PDE4D: variants seen among roughly 807,000 people sequenced by gnomAD.
PDE4D encodes the protein phosphodiesterase 4D.
Under a neutral mutation model 87.4 loss-of-function variants are expected in PDE4D, and 24 were observed. The ratio of observed to expected loss-of-function variants is 0.27; its 90% CI spans 0.20 to 0.39. The LOEUF (loss-of-function observed/expected upper bound fraction) is 0.39, where lower values mean the gene tolerates loss of function less well. Ranked by LOEUF, PDE4D falls within the 10% of genes least tolerant of loss-of-function variation. PDE4D has a pLI of 1.00. For synonymous variants in PDE4D, 384 were observed against 383.2 expected, an observed-to-expected ratio of 1.00 and a Z score of -0.02; for missense variants, 714 against 1,041.0, an observed-to-expected ratio of 0.69 and a Z score of 4.32.
intron 1 of PDE4D, among the ~76,000 whole-genome samples, chr5:59,376,289 A>G (rs943472465): frequency 3.3e-5 from 5 of 152,182 alleles, no homozygotes; most frequent in Non-Finnish European, 5.9e-5. Context: ...AAAACCACAT[A>G]ATCTCAGCCC....
chr5:59,768,856 C>T (rs551864566), intron 1 of PDE4D, among the ~76,000 whole-genome samples: 2 of 152,320 alleles, frequency 1.3e-5, no homozygotes, highest in East Asian at 3.9e-4. Context: ...CGCAGCTGCG[C>T]GAGTGACTTC....
intron 2 of PDE4D, among the ~76,000 whole-genome samples, chr5:60,121,708 T>G (rs1479792380): frequency 6.6e-6 from 1 of 152,082 alleles, no homozygotes; most frequent in Non-Finnish European, 1.5e-5. Flanking sequence ...GACACGGAGC[T>G]AAACCATATA....
At chr5:59,838,097 C>T (rs1439923284) in intron 1 of PDE4D, among the ~76,000 whole-genome samples, 1 of 151,970 alleles carries the variant, frequency 6.6e-6, no homozygotes. Context: ...CTTAAAAAAA[C>T]TAGGATTTTA....
chr5:59,123,184 A>T (rs1342617620), intron 5 of PDE4D, among the ~76,000 whole-genome samples: 1 of 152,162 alleles, frequency 6.6e-6, no homozygotes, highest in African/African-American at 2.4e-5. Context: ...ATCAACGAGA[A>T]TTCTCGGGTC....
At chr5:59,582,601 T>C (rs294496) in intron 1 of PDE4D, among the ~76,000 whole-genome samples, 120,737 of 152,130 alleles carry the variant, frequency 0.79, 48,024 homozygotes, top group South Asian at 0.89. Flanking sequence ...AGGATTTAGA[T>C]CAAAACAGAA....
At chr5:60,378,086 G>T (rs1235693743) in intron 1 of PDE4D, among the ~76,000 whole-genome samples, 1 of 152,124 alleles carries the variant, frequency 6.6e-6, no homozygotes, top group Non-Finnish European at 1.5e-5. Flanking sequence ...GGATATGAAG[G>T]AATTTTAGAG....
intron 2 of PDE4D, among the ~76,000 whole-genome samples, chr5:59,991,395 T>C (rs909224480): frequency 1.4e-4 from 21 of 152,132 alleles, no homozygotes; most frequent in African/African-American, 5.1e-4. Flanking sequence ...CTGATCCCAA[T>C]GCGGAGGGTT....
At chr5:60,011,537 C>A (rs1765020934) in intron 2 of PDE4D, among the ~76,000 whole-genome samples, 1 of 152,102 alleles carries the variant, frequency 6.6e-6, no homozygotes. Flanking sequence ...TAATTTTATG[C>A]CAAAGAGACC....
intron 2 of PDE4D, among the ~76,000 whole-genome samples, chr5:60,123,239 C>T (rs1778844111): frequency 1.3e-5 from 2 of 152,156 alleles, no homozygotes; most frequent in Admixed American, 1.3e-4. Flanking sequence ...AAGTCGCTTC[C>T]ACATTTCAGG....
intron 5 of PDE4D, chr5:59,039,540 G>C (rs999368011): frequency 3.0e-6 from 3 of 985,376 alleles, no homozygotes; most frequent in African/African-American, 3.5e-5. Context: ...TCAACTCCTC[G>C]GGCGGCAGGC....
intron 1 of PDE4D, among the ~76,000 whole-genome samples, chr5:60,482,556 G>C (rs1173928076): frequency 6.6e-6 from 1 of 152,204 alleles, no homozygotes; most frequent in Non-Finnish European, 1.5e-5. Context: ...GAAGCTGGTC[G>C]TGACAACAAG....
At chr5:59,988,533 A>G (rs745728116) in exon 3 of PDE4D, 29 of 1,599,098 alleles carry the variant, frequency 1.8e-5, no homozygotes, top group Non-Finnish European at 2.3e-5. Flanking sequence ...CAGAATCTTC[A>G]GGGGGAGGCT....
chr5:60,117,343 A>G (rs1165301525), intron 2 of PDE4D, among the ~76,000 whole-genome samples: 1 of 151,976 alleles, frequency 6.6e-6, no homozygotes. Flanking sequence ...GATACTAGAT[A>G]TATTCCAGAT....
chr5:59,982,966 T>C (rs957331666), intron 3 of PDE4D, among the ~76,000 whole-genome samples: 2 of 152,206 alleles, frequency 1.3e-5, no homozygotes, highest in African/African-American at 4.8e-5. Flanking sequence ...TGGGGATAGG[T>C]AGTATACCAT....
chr5:59,939,046 TCTTAA>T (rs1477373332), intron 3 of PDE4D, among the ~76,000 whole-genome samples: 1 of 152,214 alleles, frequency 6.6e-6, no homozygotes, highest in African/African-American at 2.4e-5. Context: ...GTGAAACCCT[TCTTAA>T]CTTCTCTTCT....
intron 1 of PDE4D, among the ~76,000 whole-genome samples, chr5:59,594,212 G>T (rs1480464921): frequency 6.6e-6 from 1 of 151,158 alleles, no homozygotes; most frequent in African/African-American, 2.4e-5. Context: ...CTCACCAAAA[G>T]TCTGAAACCT....
At chr5:59,305,366 A>AT (rs965833262) in intron 1 of PDE4D, among the ~76,000 whole-genome samples, 4 of 109,064 alleles carry the variant, frequency 3.7e-5, no homozygotes, top group African/African-American at 2.0e-4. Context: ...TTATTTATTT[A>AT]TTTTTTTGTA....
chr5:59,960,126 C>A lies in PDE4D; in HGVS notation c.272+28362G>T, dbSNP rs1255146619. The stretch of plus-strand genomic sequence containing the variant: ...AATATCACTAATCATCAGAGAAATG[C>A]AAATCAAAACCACAAGGAGATACCA... On this transcript the variant is annotated intron_variant, in intron 3 of 16. Transcript: ENST00000502484. Among the ~76,000 whole-genome samples, 4 of 152,018 alleles carry A rather than the reference C, an allele frequency of 2.6e-5. No homozygotes were observed. In the South Asian group the frequency reaches 8.3e-4, roughly 32 times the overall value.
intron 1 of PDE4D, among the ~76,000 whole-genome samples, chr5:59,805,403 A>C (rs1216879207): frequency 1.3e-5 from 2 of 152,218 alleles, no homozygotes; most frequent in Admixed American, 1.3e-4. Context: ...TGTAATCTAC[A>C]AAGTCCCCTT....
Sources: gnomAD v4.1 joint callset for allele counts (sites outside exome capture counted in the v4.1 genomes callset) on GRCh38, gnomAD v4.1.1 for gene constraint, MANE v1.5 for transcripts, NCBI Gene and HGNC (gene_info 2026-07-23, HGNC 2026-07-21) for gene names.